Variants in LNX1 observed in about 807,000 individuals in gnomAD.
LNX1 encodes the protein ligand of numb-protein X 1, also known as E3 ubiquitin-protein ligase LNX.
LNX1 carries 54 observed loss-of-function variants against 68.4 expected under a neutral mutation model. That is an observed-to-expected ratio of 0.79 (90% CI 0.63 to 0.99). The LOEUF is 0.99. Among genes scored for constraint, LNX1 ranks in the 50% least tolerant of loss-of-function variants. The pLI is 0.00. For synonymous variants in LNX1, 336 were observed against 350.0 expected, an observed-to-expected ratio of 0.96 and a Z score of 0.45; for missense variants, 906 against 926.4, an observed-to-expected ratio of 0.98 and a Z score of 0.29.
Position 53,538,495 on chromosome 4 carries a change from G to C in LNX1, c.381-30268C>G, listed in dbSNP as rs76235758. Among the ~76,000 whole-genome samples, 1,279 of 152,212 alleles carry C rather than the reference G, an allele frequency of 8.4e-3. 18 individuals carry two copies. The highest frequency in any genetic ancestry group is 0.028 in the African/African-American group (1,151 of 41,508). On this transcript the variant is annotated intron_variant, in intron 2 of 10. Transcript: ENST00000263925. ...ACCCCTGCTTTTTTGAATGCATGAGGGTTCATCGTTGAAAAACCACTCCAT... is the reference window on the plus strand; with the variant it reads ...ACCCCTGCTTTTTTGAATGCATGAGCGTTCATCGTTGAAAAACCACTCCAT...
intron 2 of LNX1, among the ~76,000 whole-genome samples, chr4:53,511,309 A>G (rs184651420): frequency 6.6e-6 from 1 of 152,328 alleles, no homozygotes; most frequent in African/African-American, 2.4e-5. Context: ...AGCTTGATTT[A>G]CAAGCATTAA....
At chr4:53,572,941 C>A (rs902193261) in intron 2 of LNX1, among the ~76,000 whole-genome samples, 1 of 152,198 alleles carries the variant, frequency 6.6e-6, no homozygotes, top group Non-Finnish European at 1.5e-5. Flanking sequence ...GACAGTTGTG[C>A]CTTGTCAATT....
In LNX1 at chr4:53,461,527, A is replaced by G. The variant is rs776434106; in HGVS notation, c.1959T>C (p.Ile653=). Residue 653 remains isoleucine, a synonymous_variant, in exon 10 of 11, where the codon ATT becomes ATC. Coordinates refer to ENST00000263925, the MANE Select transcript of LNX1 (RefSeq NM_001126328.3). ...CATTGTATTCTTCATAACCTCCTAC[A>G]ATGCAGAAGCCCAGACTTCCAGCTG... ...RNTAGSLGFC[I]VGGYEEYNGN... is the part of the protein sequence containing the mutation. 1.9e-6 allele frequency: 3 copies of G among 1,612,258 alleles called. No individual in the cohort carries two copies. The highest frequency in any genetic ancestry group is 1.7e-5 in the Admixed American group (1 of 59,856).
chr4:53,586,339 T>C (rs1315653851), intron 1 of LNX1, among the ~76,000 whole-genome samples: 1 of 152,224 alleles, frequency 6.6e-6, no homozygotes, highest in Non-Finnish European at 1.5e-5. Flanking sequence ...AAGCAAGTTA[T>C]GCAAATCATC....
chr4:53,616,546 C>T (rs1383184598), exon 2 of LNX1: 1 of 152,130 alleles, frequency 6.6e-6, no homozygotes, highest in Non-Finnish European at 1.5e-5. Context: ...TCCCCTTGTT[C>T]TCTCACTTTT....
chr4:53,616,290 C>T (rs1577798420), intron 2 of LNX1, among the ~76,000 whole-genome samples: 1 of 152,282 alleles, frequency 6.6e-6, no homozygotes, highest in East Asian at 1.9e-4. Context: ...CAAATAACTC[C>T]TATATACCAT....
At chr4:53,575,126 C>T (rs1464220967) in intron 1 of LNX1, among the ~76,000 whole-genome samples, 12 of 152,022 alleles carry the variant, frequency 7.9e-5, no homozygotes, top group Admixed American at 3.9e-4. Context: ...GGATTACAGG[C>T]GCGCGCCACC....
At chr4:53,611,515 A>G (rs1303717302) in intron 2 of LNX1, among the ~76,000 whole-genome samples, 12 of 152,168 alleles carry the variant, frequency 7.9e-5, no homozygotes, top group Non-Finnish European at 1.3e-4. Flanking sequence ...AGAAAAATAA[A>G]TATCAAAGAA....
chr4:53,618,943 G>A (rs552486973), upstream of LNX1, among the ~76,000 whole-genome samples: 1 of 151,774 alleles, frequency 6.6e-6, no homozygotes, highest in East Asian at 1.9e-4. Flanking sequence ...GTAGATACAG[G>A]GTCTTGCTAT....
chr4:53,627,917 C>G (rs1380514035), intron 1 of LNX1, among the ~76,000 whole-genome samples: 1 of 152,156 alleles, frequency 6.6e-6, no homozygotes, highest in Non-Finnish European at 1.5e-5. Context: ...AGCTCTGGGT[C>G]AAGTGGGCCC....
At chr4:53,560,709 G>A (rs1338339000) in intron 2 of LNX1, among the ~76,000 whole-genome samples, 1 of 152,214 alleles carries the variant, frequency 6.6e-6, no homozygotes, top group Non-Finnish European at 1.5e-5. Context: ...TGACAAACTT[G>A]AGGATGAAAA....
intron 2 of LNX1, among the ~76,000 whole-genome samples, chr4:53,535,451 G>C (rs1560651331): frequency 6.6e-6 from 1 of 152,202 alleles, no homozygotes; most frequent in African/African-American, 2.4e-5. Context: ...TTACCTGCAA[G>C]GGTACATGAC....
intron 2 of LNX1, among the ~76,000 whole-genome samples, chr4:53,517,029 A>G (rs1726840244): frequency 6.6e-6 from 1 of 152,236 alleles, no homozygotes; most frequent in South Asian, 2.1e-4. Flanking sequence ...GAATATAGAT[A>G]GCTTCCATGG....
intron 1 of LNX1, chr4:53,575,714 G>GTGTC: frequency 2.1e-6 from 3 of 1,419,766 alleles, no homozygotes; most frequent in Non-Finnish European, 2.8e-6. Context: ...AGCAGCAGCA[G>GTGTC]TGTCTGCTGT....
intron 2 of LNX1, among the ~76,000 whole-genome samples, chr4:53,551,450 T>C (rs1729508374): frequency 6.6e-6 from 1 of 152,264 alleles, no homozygotes. Flanking sequence ...GTGAGTGGAC[T>C]CAAGCATGCG....
intron 1 of LNX1, among the ~76,000 whole-genome samples, chr4:53,642,889 C>T (rs1017254567): frequency 2.6e-5 from 4 of 152,176 alleles, no homozygotes; most frequent in Non-Finnish European, 4.4e-5. Flanking sequence ...CCGTTATGGT[C>T]GCCTGGGTGT....
chr4:53,613,006 C>G (rs1443865122), intron 2 of LNX1, among the ~76,000 whole-genome samples: 1 of 150,994 alleles, frequency 6.6e-6, no homozygotes, highest in Non-Finnish European at 1.5e-5. Context: ...TTTTGTAAAA[C>G]AAAAGCCCCT....
In LNX1 at chr4:53,460,778, A is replaced by T. The variant is rs986554643; in HGVS notation, c.*129T>A. 4 of 966,478 alleles carry T rather than the reference A, an allele frequency of 4.1e-6. No homozygotes were observed. Among genetic ancestry groups the T allele is most frequent in the Non-Finnish European group, 4.6e-6 (3 of 655,450 alleles). 59.9% of individuals were successfully genotyped at this position (966,478 alleles called of 1,614,324 possible). ...AGGTGTAACTGGCTTTCATTAGATG[A>T]TCATACTTTTCCTGACATTTTTACA... On this transcript the variant is annotated 3_prime_UTR_variant, in exon 11 of 11. Transcript: ENST00000263925.
At chr4:53,561,462 A>C (rs1730283648) in intron 2 of LNX1, among the ~76,000 whole-genome samples, 1 of 152,102 alleles carries the variant, frequency 6.6e-6, no homozygotes, top group Non-Finnish European at 1.5e-5. Flanking sequence ...TCCTGATCTC[A>C]TGATCCGCCC....
Sources: gnomAD v4.1 joint callset for allele counts (sites outside exome capture counted in the v4.1 genomes callset) on GRCh38, gnomAD v4.1.1 for gene constraint, MANE v1.5 for transcripts, NCBI Gene and HGNC (gene_info 2026-07-23, HGNC 2026-07-21) for gene names.